The following FRMD4B variants were observed in gnomAD, a reference collection of about 807,000 sequenced individuals.
FRMD4B encodes FERM domain-containing protein 4B.
Under a neutral mutation model 141.5 loss-of-function variants are expected in FRMD4B, and 74 were observed. The ratio of observed to expected loss-of-function variants is 0.52; its 90% CI spans 0.43 to 0.63. The LOEUF (loss-of-function observed/expected upper bound fraction) is 0.63, where lower values mean the gene tolerates loss of function less well. Among genes scored for constraint, FRMD4B ranks in the 30% least tolerant of loss-of-function variants. The probability of loss-of-function intolerance (pLI) is 0.00; values close to 1 mark genes in which losing one functional copy is unlikely to be tolerated. For missense variants in FRMD4B, 1,366 were observed against 1,253.4 expected (o/e 1.09, Z -1.36); for synonymous variants, 506 against 467.9 (o/e 1.08, Z -1.05).
At chr3:69,479,649 T>TTGGTGACTCTGA (rs1285200581) in intron 1 of FRMD4B, among the ~76,000 whole-genome samples, 26 of 152,326 alleles carry the variant, frequency 1.7e-4, no homozygotes, top group South Asian at 6.2e-4. Context: ...ATTTTTTCCT[T>TTGGTGACTCTGA]CATTTCAACT....
intron 5 of FRMD4B, among the ~76,000 whole-genome samples, chr3:69,257,477 C>A (rs985031868): frequency 3.3e-5 from 5 of 152,160 alleles, no homozygotes; most frequent in Admixed American, 6.5e-5. Flanking sequence ...GATTGTAACT[C>A]CCTCTTTACT....
intron 7 of FRMD4B, chr3:69,228,484 A>G (rs2093275449): frequency 2.2e-6 from 1 of 456,288 alleles, no homozygotes; most frequent in Non-Finnish European, 4.4e-6. Flanking sequence ...CATGTTTCAT[A>G]TAAGATACAG....
At chr3:69,215,582 T>A (rs1419796987) in intron 11 of FRMD4B, among the ~76,000 whole-genome samples, 1 of 151,820 alleles carries the variant, frequency 6.6e-6, no homozygotes, top group African/African-American at 2.4e-5. Flanking sequence ...GGAGTCACCA[T>A]GCCTGGCCTG....
At chr3:69,472,118 T>C in intron 1 of FRMD4B, 1 of 214,836 alleles carries the variant, frequency 4.7e-6, no homozygotes, top group Non-Finnish European at 1.0e-5. Flanking sequence ...AAGCTTAAAG[T>C]TGGGAATTTC....
chr3:69,351,732 C>A (rs1703157001), intron 1 of FRMD4B, among the ~76,000 whole-genome samples: 1 of 152,166 alleles, frequency 6.6e-6, no homozygotes, highest in Non-Finnish European at 1.5e-5. Flanking sequence ...CTCAGGAGAT[C>A]CAGAATCCAG....
intron 6 of FRMD4B, 73 bp from the exon 7 acceptor site, chr3:69,249,321 A>T: frequency 1.0e-6 from 1 of 995,072 alleles, no homozygotes; most frequent in East Asian, 2.5e-5. Context: ...TATCTTGATT[A>T]CTTTCCCCTC....
intron 1 of FRMD4B, among the ~76,000 whole-genome samples, chr3:69,340,707 T>C (rs1043693139): frequency 2.0e-5 from 3 of 152,320 alleles, no homozygotes; most frequent in East Asian, 1.9e-4. Context: ...CTGATGTACA[T>C]AGAGTGTTTC....
At chr3:69,301,926 TA>T (rs1260898400) in intron 4 of FRMD4B, among the ~76,000 whole-genome samples, 2 of 152,232 alleles carry the variant, frequency 1.3e-5, no homozygotes, top group African/African-American at 2.4e-5. Context: ...AGAATTCAAT[TA>T]TTTTTAAGTC....
chr3:69,195,583 C>T (rs1408367370), intron 14 of FRMD4B, among the ~76,000 whole-genome samples: 10 of 152,138 alleles, frequency 6.6e-5, no homozygotes, highest in Admixed American at 6.5e-4. Flanking sequence ...CATCCTGGCT[C>T]AGTCATTTTG....
chr3:69,341,770 T>A (rs543963805), intron 1 of FRMD4B, among the ~76,000 whole-genome samples: 1 of 152,256 alleles, frequency 6.6e-6, no homozygotes, highest in Non-Finnish European at 1.5e-5. Flanking sequence ...ATAGGCTTCA[T>A]GCAGCATTTG....
intron 5 of FRMD4B, among the ~76,000 whole-genome samples, chr3:69,278,139 C>T (rs2106977830): frequency 6.6e-6 from 1 of 152,266 alleles, no homozygotes. Context: ...CAGGCTTGAG[C>T]CACTGTGCCT....
chr3:69,433,723 G>A (rs4855313), intron 1 of FRMD4B, among the ~76,000 whole-genome samples: 52,784 of 152,056 alleles, frequency 0.35, 9,497 homozygotes, highest in African/African-American at 0.43. Flanking sequence ...AAGGAGAAAA[G>A]GTTGAGAGTT....
Position 69,246,733 on chromosome 3 carries a change from C to A in FRMD4B, c.581+2493G>T, listed in dbSNP as rs116795334. 3.1e-3 allele frequency among the ~76,000 whole-genome samples: 468 copies of A among 152,304 alleles called. 2 individuals are homozygous for A. The highest frequency in any genetic ancestry group is 0.011 in the African/African-American group (449 of 41,574). On this transcript the variant is annotated intron_variant, in intron 7 of 22. Transcript: ENST00000398540. ...CGTGATTTCCAGTCCCACGCTCTCT[C>A]CACTACTTAGTGTAGTTTGGACAAT...
intron 7 of FRMD4B, among the ~76,000 whole-genome samples, chr3:69,245,589 C>T (rs992425163): frequency 1.3e-4 from 19 of 151,954 alleles, no homozygotes; most frequent in African/African-American, 4.1e-4. Context: ...TCGAGTGATC[C>T]GCCTATCTCG....
At chr3:69,308,444 T>TA (rs952495647) in intron 3 of FRMD4B, among the ~76,000 whole-genome samples, 2 of 150,642 alleles carry the variant, frequency 1.3e-5, no homozygotes, top group African/African-American at 4.9e-5. Flanking sequence ...CTGGCTTTTT[T>TA]TTTTTTTGTT....
At chr3:69,351,348 A>G (rs1559823800) in intron 1 of FRMD4B, among the ~76,000 whole-genome samples, 1 of 152,246 alleles carries the variant, frequency 6.6e-6, no homozygotes, top group Non-Finnish European at 1.5e-5. Flanking sequence ...TCATACTTGA[A>G]TTATGATCCC....
intron 1 of FRMD4B, among the ~76,000 whole-genome samples, chr3:69,474,959 T>G (rs981039310): frequency 2.0e-5 from 3 of 152,282 alleles, no homozygotes; most frequent in Non-Finnish European, 4.4e-5. Flanking sequence ...AGAAGCGGCT[T>G]TCAAGCTTAG....
intron 5 of FRMD4B, among the ~76,000 whole-genome samples, chr3:69,259,870 T>C (rs2093514988): frequency 6.6e-6 from 1 of 152,188 alleles, no homozygotes; most frequent in Non-Finnish European, 1.5e-5. Context: ...CTACTTACTG[T>C]AACATCAAAT....
chr3:69,255,317 C>G (rs546604679), intron 5 of FRMD4B, among the ~76,000 whole-genome samples: 52 of 152,290 alleles, frequency 3.4e-4, no homozygotes, highest in African/African-American at 1.2e-3. Context: ...TTTGGCTTGG[C>G]AGACATACTA....
Sources: gnomAD v4.1 joint callset for allele counts (sites outside exome capture counted in the v4.1 genomes callset) on GRCh38, gnomAD v4.1.1 for gene constraint, MANE v1.5 for transcripts, NCBI Gene and HGNC (gene_info 2026-07-23, HGNC 2026-07-21) for gene names.